TVP23A: variants seen among roughly 807,000 people sequenced by gnomAD.
The protein encoded by TVP23A is trans-golgi network vesicle protein 23 homolog A, also known as Golgi apparatus membrane protein TVP23 homolog A.
TVP23A carries 21 observed loss-of-function variants against 31.7 expected under a neutral mutation model. The observed-to-expected ratio is 0.66, with a 90% CI of 0.47 to 0.95. The LOEUF is 0.95. TVP23A is among the 40% of genes least tolerant of loss of function. TVP23A has a pLI of 0.00. For synonymous variants in TVP23A, 104 were observed against 96.0 expected, an observed-to-expected ratio of 1.08 and a Z score of -0.49; for missense variants, 279 against 255.6, an observed-to-expected ratio of 1.09 and a Z score of -0.62.
intron 2 of TVP23A, among the ~76,000 whole-genome samples, chr16:10,809,037 T>C (rs1035826753): frequency 1.3e-5 from 2 of 152,258 alleles, no homozygotes; most frequent in African/African-American, 2.4e-5. Flanking sequence ...TGGGGTGAGC[T>C]GAGAACATGC....
chr16:10,815,674 C>T (rs76003134), intron 2 of TVP23A, among the ~76,000 whole-genome samples: 1 of 152,090 alleles, frequency 6.6e-6, no homozygotes, highest in Non-Finnish European at 1.5e-5. Flanking sequence ...GGAGTGCTAA[C>T]ATTAAGCAAA....
downstream of TVP23A, chr16:10,757,850 C>G (rs1900662411): frequency 1.2e-6 from 2 of 1,605,026 alleles, no homozygotes; most frequent in African/African-American, 2.7e-5. This position sits in a 1 kb window ranked among gnomAD's most constrained non-coding sequence, Gnocchi z 4.1. Context: ...AAGTAAGCAT[C>G]CCCTGTGGAT....
At chr16:10,802,268 G>A (rs1397447902) in intron 2 of TVP23A, among the ~76,000 whole-genome samples, 2 of 139,926 alleles carry the variant, frequency 1.4e-5, no homozygotes, top group African/African-American at 6.2e-5. Flanking sequence ...GTGTGTGTGT[G>A]TGTGTGTGTG....
At chr16:10,778,287 T>C (rs1350196631) in intron 2 of TVP23A, among the ~76,000 whole-genome samples, 2 of 151,906 alleles carry the variant, frequency 1.3e-5, no homozygotes, top group Non-Finnish European at 2.9e-5. Flanking sequence ...TGAGTCGAGA[T>C]GATGCCACTG....
chr16:10,759,381 A>T (rs1900788406), downstream of TVP23A, among the ~76,000 whole-genome samples: 1 of 152,236 alleles, frequency 6.6e-6, no homozygotes, highest in African/African-American at 2.4e-5. The surrounding 1 kb of genome is among the most constrained non-coding windows in gnomAD (Gnocchi z 4.7). Flanking sequence ...GCAGGACACC[A>T]GCTGGGACCC....
At chr16:10,781,850 C>CTTTTTTTTTT (rs144933462) in intron 2 of TVP23A, among the ~76,000 whole-genome samples, 1 of 90,936 alleles carries the variant, frequency 1.1e-5, no homozygotes, top group Admixed American at 1.2e-4. Context: ...CTAACACAAT[C>CTTTTTTTTTT]TTTTTTTTTT....
At chr16:10,793,614 G>A (rs577401274) in intron 2 of TVP23A, among the ~76,000 whole-genome samples, 1 of 152,158 alleles carries the variant, frequency 6.6e-6, no homozygotes, top group South Asian at 2.1e-4. Flanking sequence ...ATATTTATTT[G>A]GCTAGGTACG....
intron 2 of TVP23A, among the ~76,000 whole-genome samples, chr16:10,800,122 G>T (rs1486303485): frequency 1.3e-5 from 2 of 149,878 alleles, no homozygotes; most frequent in African/African-American, 4.9e-5. Flanking sequence ...TTAGAAACAG[G>T]GTCTTGCTAT....
In TVP23A at chr16:10,818,615, GGCCTGCGCCCTGT is replaced by G. The variant is rs1333327174; in HGVS notation, c.-135_-123del. 1.8e-4 allele frequency: 227 copies of G among 1,290,890 alleles called. 1 individual carries two copies. In the Middle Eastern group the frequency reaches 5.5e-3, roughly 31 times the overall value. The allele number at this position is 1,290,890 out of a possible 1,614,324, so 80.0% of individuals were successfully genotyped here. A position where few individuals can be genotyped will look rare whatever the true frequency, so the allele number is the denominator to read the frequency against. ...GCAGACGGTGGACGCTGAGGGTCGG[GGCCTGCGCCCTGT>G]GGGGCAGCCTCAGCGCAGCTTCTCG... is the stretch of plus-strand genomic sequence containing the variant. On this transcript the variant is annotated 5_prime_UTR_variant, in exon 1 of 8. Coordinates refer to ENST00000299866, the MANE Select transcript of TVP23A (RefSeq NM_001079512.4). This position sits in a 1 kb window ranked among gnomAD's most constrained non-coding sequence, Gnocchi z 4.7.
intron 2 of TVP23A, among the ~76,000 whole-genome samples, chr16:10,798,197 T>G (rs1436395817): frequency 1.3e-5 from 2 of 151,798 alleles, no homozygotes; most frequent in South Asian, 2.1e-4. Context: ...CTGACCTTGT[T>G]ATCTGCCCGC....
chr16:10,766,910 C>CT lies in TVP23A; in HGVS notation c.*2191dup, dbSNP rs1369385175. The CT allele has an allele frequency of 2.5e-6, 1 of 398,608 alleles. No individual in the cohort carries two copies. The highest frequency in any genetic ancestry group is 4.4e-5 in the Admixed American group (1 of 22,730). 24.7% of individuals were successfully genotyped at this position (398,608 alleles called of 1,614,324 possible). On this transcript the variant is annotated 3_prime_UTR_variant, in exon 8 of 8. Transcript: ENST00000299866. This position sits in a 1 kb window ranked among gnomAD's most constrained non-coding sequence, Gnocchi z 4.8. ...TGTTATGGCTCAAGTGCGAATTGGCCTTATGTTCCCTGCCTCTGGACCCTA... is the reference window on the plus strand; with the variant it reads ...TGTTATGGCTCAAGTGCGAATTGGCCTTTATGTTCCCTGCCTCTGGACCCTA...
At chr16:10,791,077 C>T (rs960756203) in intron 2 of TVP23A, among the ~76,000 whole-genome samples, 1 of 152,148 alleles carries the variant, frequency 6.6e-6, no homozygotes, top group Non-Finnish European at 1.5e-5. Flanking sequence ...GGTTTACAGG[C>T]TTCTGGGAGA....
chr16:10,806,165 ACTC>A (rs1488748537), intron 2 of TVP23A, among the ~76,000 whole-genome samples: 1 of 151,898 alleles, frequency 6.6e-6, no homozygotes, highest in Non-Finnish European at 1.5e-5. Context: ...CAACACAGTG[ACTC>A]CTCGTCTCTA....
At chr16:10,801,214 G>C (rs1287120877) in intron 2 of TVP23A, among the ~76,000 whole-genome samples, 1 of 152,034 alleles carries the variant, frequency 6.6e-6, no homozygotes, top group African/African-American at 2.4e-5. Flanking sequence ...GCGATTTCTA[G>C]GCCATCTTTA....
At chr16:10,771,316 G>A (rs1427638781) in intron 6 of TVP23A, among the ~76,000 whole-genome samples, 1 of 152,110 alleles carries the variant, frequency 6.6e-6, no homozygotes, top group Non-Finnish European at 1.5e-5. Context: ...CAAGGCAGGC[G>A]GGCTGCTTGA....
chr16:10,774,113 G>T lies in TVP23A; in HGVS notation c.250C>A (p.Leu84Ile). 1.2e-6 allele frequency: 2 copies of T among 1,610,132 alleles called. No homozygotes were observed. The highest frequency in any genetic ancestry group is 2.7e-5 in the African/African-American group (2 of 75,000). Residue 84 changes from leucine to isoleucine, a missense_variant, in exon 4 of 8, where the codon CTC (leucine) becomes ATC (isoleucine). Transcript: ENST00000299866. Reference sequence around the variant, plus strand: ...TTCCACCATCGAAGGCCCACCAGGAGTCTTCCGGTTACATTCTGAGAACAA... The same window carrying T: ...TTCCACCATCGAAGGCCCACCAGGATTCTTCCGGTTACATTCTGAGAACAA... The part of the protein sequence containing the change: ...FWSVKNVTGR[L>I]LVGLRWWNQI...
Position 10,767,892 on chromosome 16 carries a change from G to C in TVP23A, c.*1210C>G. On this transcript the variant is annotated 3_prime_UTR_variant, in exon 8 of 8. Transcript: ENST00000299866. The surrounding 1 kb of genome is among the most constrained non-coding windows in gnomAD (Gnocchi z 4.6). ...AGCACGGAAAGAGCCCCAAGATCTT[G>C]TGGCCATTCTGTTTTCCTCTTGGAC... 1 of 1,493,238 alleles carries C rather than the reference G, an allele frequency of 6.7e-7. No homozygotes were observed. The highest frequency in any genetic ancestry group is 1.1e-5 in the South Asian group (1 of 88,630). The allele number at this position is 1,493,238 out of a possible 1,614,324, so 92.5% of individuals were successfully genotyped here.
rs944814353 is a variant in TVP23A at position 10,767,568 on chromosome 16, G to A, written c.*1534C>T. 4.4e-6 allele frequency: 2 copies of A among 450,324 alleles called. No homozygotes were observed. The highest frequency in any genetic ancestry group is 4.0e-5 in the African/African-American group (2 of 49,846). 27.9% of individuals were successfully genotyped at this position (450,324 alleles called of 1,614,324 possible). A position where few individuals can be genotyped will look rare whatever the true frequency, so the allele number is the denominator to read the frequency against. ...AACACTAGTAGCCCTTTTCGGACTTGGCCTTTTATGCCATATCCTTTTGCA... is the reference window on the plus strand; with the variant it reads ...AACACTAGTAGCCCTTTTCGGACTTAGCCTTTTATGCCATATCCTTTTGCA... On this transcript the variant is annotated 3_prime_UTR_variant, in exon 8 of 8. Transcript: ENST00000299866. The surrounding 1 kb of genome is among the most constrained non-coding windows in gnomAD (Gnocchi z 4.6).
chr16:10,810,083 A>C (rs113987195), intron 2 of TVP23A, among the ~76,000 whole-genome samples: 1 of 152,218 alleles, frequency 6.6e-6, no homozygotes, highest in Non-Finnish European at 1.5e-5. Context: ...TAAACACCTA[A>C]ACCGGGATGA....
Sources: allele counts gnomAD v4.1 joint callset (sites outside exome capture counted in the v4.1 genomes callset), GRCh38; gene constraint gnomAD v4.1.1; non-coding constraint Gnocchi (gnomAD v3.1); transcripts MANE v1.5; gene names NCBI Gene and HGNC (gene_info 2026-07-23, HGNC 2026-07-21).